Variants in CEP83 observed in about 807,000 individuals in gnomAD.
The protein encoded by CEP83 is centrosomal protein 83, also known as centrosomal protein of 83 kDa.
Under a neutral mutation model 101.9 loss-of-function variants are expected in CEP83, and 70 were observed. That is an observed-to-expected ratio of 0.69 (90% confidence interval 0.57 to 0.84). The LOEUF (loss-of-function observed/expected upper bound fraction) is 0.84, where lower values mean the gene tolerates loss of function less well. CEP83 is among the 40% of genes least tolerant of loss of function. The pLI, the probability that CEP83 is intolerant of heterozygous loss-of-function variation, is 0.00. For missense variants in CEP83, 715 were observed against 787.2 expected, an observed-to-expected ratio of 0.91 and a Z score of 1.10; for synonymous variants, 264 against 267.9, an observed-to-expected ratio of 0.99 and a Z score of 0.14.
chr12:94,378,169 G>A (rs1022324773), intron 7 of CEP83, among the ~76,000 whole-genome samples: 2 of 152,084 alleles, frequency 1.3e-5, no homozygotes, highest in Non-Finnish European at 2.9e-5. Flanking sequence ...TACAAGTTAG[G>A]CACTAAGAAC....
At chr12:94,417,993 G>A (rs569146473) in intron 2 of CEP83, among the ~76,000 whole-genome samples, 1 of 152,256 alleles carries the variant, frequency 6.6e-6, no homozygotes, top group East Asian at 1.9e-4. Context: ...TGAAATAAAT[G>A]AAAAGAGGGT....
chr12:94,425,141 G>A (rs1381355257), intron 2 of CEP83, among the ~76,000 whole-genome samples: 1 of 151,114 alleles, frequency 6.6e-6, no homozygotes, highest in African/African-American at 2.4e-5. Flanking sequence ...GAGAGATGAA[G>A]GGGGGCTGCC....
intron 2 of CEP83, among the ~76,000 whole-genome samples, chr12:94,419,849 T>C (rs1175219717): frequency 1.3e-5 from 2 of 152,128 alleles, no homozygotes; most frequent in East Asian, 3.8e-4. Flanking sequence ...TAATTCTAGT[T>C]GGACTGAAGA....
chr12:94,439,842 C>T (rs1198468447), intron 1 of CEP83, among the ~76,000 whole-genome samples: 2 of 152,068 alleles, frequency 1.3e-5, no homozygotes, highest in Non-Finnish European at 2.9e-5. Flanking sequence ...GAAAATACAC[C>T]ATGAACAAGT....
chr12:94,423,185 A>C (rs1256029374), intron 2 of CEP83, among the ~76,000 whole-genome samples: 1 of 152,060 alleles, frequency 6.6e-6, no homozygotes, highest in African/African-American at 2.4e-5. Flanking sequence ...CCTAGGTTCA[A>C]GTGATTCTCC....
At chr12:94,437,172 C>T (rs1265447423) in intron 1 of CEP83, among the ~76,000 whole-genome samples, 1 of 151,138 alleles carries the variant, frequency 6.6e-6, no homozygotes, top group African/African-American at 2.4e-5. Flanking sequence ...GGTGAAACCC[C>T]AACTAAACTA....
intron 14 of CEP83, among the ~76,000 whole-genome samples, chr12:94,325,836 C>A (rs1167016525): frequency 6.6e-6 from 1 of 151,994 alleles, no homozygotes; most frequent in Non-Finnish European, 1.5e-5. Flanking sequence ...TCATGGGCAC[C>A]CAGAATGTGA....
chr12:94,387,769 G>A (rs888556993), intron 6 of CEP83, among the ~76,000 whole-genome samples: 1 of 151,974 alleles, frequency 6.6e-6, no homozygotes, highest in Non-Finnish European at 1.5e-5. Context: ...AGTAGGCAAA[G>A]TACATAAACA....
the CEP83 span, chr12:94,277,684 T>A: frequency 8.4e-5 from 28 of 333,016 alleles, no homozygotes; most frequent in Non-Finnish European, 5.9e-6. Flanking sequence ...ATACTGAGCA[T>A]GGAGTGGGCG....
chr12:94,298,689 A>G, the CEP83 span: 1 of 1,612,270 alleles, frequency 6.2e-7, no homozygotes, highest in East Asian at 2.2e-5. Flanking sequence ...TTTACCCAAC[A>G]GCAGAGCTCC....
chr12:94,413,883 T>C (rs557616433), intron 2 of CEP83, among the ~76,000 whole-genome samples: 1 of 151,414 alleles, frequency 6.6e-6, no homozygotes, highest in Admixed American at 6.6e-5. Flanking sequence ...CATATTTTTT[T>C]CCTGATAGAA....
the CEP83 span, among the ~76,000 whole-genome samples, chr12:94,274,843 A>G: frequency 1.3e-5 from 2 of 152,214 alleles, no homozygotes; most frequent in Non-Finnish European, 2.9e-5. Context: ...CTCATCTGCC[A>G]CAAGGGGATG....
At chr12:94,413,989 G>T (rs571574096) in intron 2 of CEP83, among the ~76,000 whole-genome samples, 25 of 152,014 alleles carry the variant, frequency 1.6e-4, no homozygotes, top group Non-Finnish European at 3.4e-4. Flanking sequence ...AGCCTTGCTT[G>T]AATTATACCA....
chr12:94,281,356 A>G, the CEP83 span, among the ~76,000 whole-genome samples: 3 of 152,160 alleles, frequency 2.0e-5, no homozygotes, highest in African/African-American at 2.4e-5. Context: ...TACAGCAGAG[A>G]CTCAAAAACG....
chr12:94,443,651 G>A (rs534855956), intron 1 of CEP83, among the ~76,000 whole-genome samples: 9 of 151,856 alleles, frequency 5.9e-5, no homozygotes, highest in African/African-American at 2.2e-4. Flanking sequence ...CACCACGCCC[G>A]GCTATTTTTT....
chr12:94,382,197 G>A (rs1167885237), intron 6 of CEP83, among the ~76,000 whole-genome samples: 1 of 151,916 alleles, frequency 6.6e-6, no homozygotes, highest in African/African-American at 2.4e-5. Context: ...GCAAGGTCAT[G>A]AGTGATACTC....
chr12:94,277,546 GA>G, the CEP83 span, among the ~76,000 whole-genome samples: 3 of 152,170 alleles, frequency 2.0e-5, no homozygotes, highest in Non-Finnish European at 4.4e-5. Context: ...GACATACACA[GA>G]GGTTACACAG....
At chr12:94,326,532 T>C (rs2058980973) in intron 14 of CEP83, among the ~76,000 whole-genome samples, 2 of 152,144 alleles carry the variant, frequency 1.3e-5, no homozygotes, top group Admixed American at 6.5e-5. Context: ...ACCTGGTTGG[T>C]ATCCAGAGAA....
chr12:94,276,534 C>A, the CEP83 span, among the ~76,000 whole-genome samples: 1 of 152,172 alleles, frequency 6.6e-6, no homozygotes, highest in Non-Finnish European at 1.5e-5. Context: ...GTTTGTGGCA[C>A]CAATTGTGCA....
Sources: gnomAD v4.1 joint callset for allele counts (sites outside exome capture counted in the v4.1 genomes callset) on GRCh38, gnomAD v4.1.1 for gene constraint, MANE v1.5 for transcripts, NCBI Gene and HGNC (gene_info 2026-07-23, HGNC 2026-07-21) for gene names.